The following SLIT3 variants were observed in gnomAD, a reference collection of about 807,000 sequenced individuals.
SLIT3 encodes slit guidance ligand 3.
SLIT3 carries 68 observed loss-of-function variants against 184.0 expected under a neutral mutation model. The ratio of observed to expected loss-of-function variants is 0.37; its 90% CI spans 0.30 to 0.45. SLIT3 has a LOEUF of 0.45. Ranked by LOEUF, SLIT3 falls within the 20% of genes least tolerant of loss-of-function variation. The pLI, the probability that SLIT3 is intolerant of heterozygous loss-of-function variation, is 1.00. For synonymous variants in SLIT3, 831 were observed against 828.6 expected, an observed-to-expected ratio of 1.00 and a Z score of -0.05; for missense variants, 1,707 against 2,026.0, an observed-to-expected ratio of 0.84 and a Z score of 3.02.
At chr5:168,752,868 T>C in intron 18 of SLIT3, 87 bp downstream of exon 18, 1 of 1,330,642 alleles carries the variant, frequency 7.5e-7, no homozygotes, top group Non-Finnish European at 1.1e-6. Flanking sequence ...TAGATGAGCC[T>C]GGCTAGAGGT....
intron 32 of SLIT3, among the ~76,000 whole-genome samples, chr5:168,681,545 C>T (rs1175568472): frequency 6.6e-6 from 1 of 152,218 alleles, no homozygotes; most frequent in Non-Finnish European, 1.5e-5. Flanking sequence ...GCCAGGGCAT[C>T]CTTAGCTTGG....
chr5:168,728,937 A>AAC lies in SLIT3; in HGVS notation c.2271-4454_2271-4453insGT, dbSNP rs150215882. Among the ~76,000 whole-genome samples, 37 of 94,472 alleles carry AAC rather than the reference A, an allele frequency of 3.9e-4. 1 individual carries two copies. In the East Asian group the frequency reaches 6.2e-3, roughly 16 times the overall value. The allele number at this position is 94,472 out of a possible 152,430, so 62.0% of individuals were successfully genotyped here. ...TGTCTCAAAAAAAAACCAAAGAAAC[A>AAC]AAAAAAAAAGCCAACTGAGAAATTC... On this transcript the variant is annotated intron_variant, in intron 20 of 35. Coordinates refer to ENST00000519560, the MANE Select transcript of SLIT3 (RefSeq NM_003062.4).
intron 9 of SLIT3, among the ~76,000 whole-genome samples, chr5:168,802,265 C>T (rs187060367): frequency 1.3e-5 from 2 of 152,042 alleles, no homozygotes; most frequent in African/African-American, 4.8e-5. Context: ...CATCTTCCCA[C>T]CCATCTGCTG....
chr5:168,901,585 C>T (rs1236518438), intron 4 of SLIT3, among the ~76,000 whole-genome samples: 1 of 152,018 alleles, frequency 6.6e-6, no homozygotes. Context: ...TTTTCAGAAC[C>T]CATAATTATC....
At chr5:168,875,358 A>G (rs1467539715) in intron 5 of SLIT3, among the ~76,000 whole-genome samples, 1 of 152,072 alleles carries the variant, frequency 6.6e-6, no homozygotes, top group Non-Finnish European at 1.5e-5. Context: ...GTGGCCGGGC[A>G]TGGTGGCTCA....
chr5:169,068,719 T>G (rs1418185697), intron 4 of SLIT3, among the ~76,000 whole-genome samples: 1 of 152,152 alleles, frequency 6.6e-6, no homozygotes, highest in Non-Finnish European at 1.5e-5. Flanking sequence ...GTGACATCTC[T>G]GGGCTCAAGC....
At chr5:168,721,615 A>G (rs1762943380) in intron 23 of SLIT3, among the ~76,000 whole-genome samples, 3 of 152,220 alleles carry the variant, frequency 2.0e-5, no homozygotes, top group Non-Finnish European at 4.4e-5. Context: ...ATGCAGGGGT[A>G]GGGCCCTGGT....
At chr5:169,227,387 C>T (rs185448723) in intron 3 of SLIT3, among the ~76,000 whole-genome samples, 1 of 152,308 alleles carries the variant, frequency 6.6e-6, no homozygotes, top group East Asian at 1.9e-4. Context: ...CTCTCAACAA[C>T]TCAGCGTAGG....
chr5:168,772,905 C>T lies in SLIT3; in HGVS notation c.1335G>A (p.Leu445=). The change falls in exon 14 of 36, where the codon TTG becomes TTA. Residue 445 remains leucine, a synonymous_variant. Transcript: ENST00000519560. The part of the protein sequence containing the change: ...AQNPFVCDCH[L]KWLADYLQDN... Reference sequence around the variant, plus strand: ...CCTGGAGGTAGTCGGCCAGCCACTTCAAGTGGCAGTCGCACACAAATGGGT... The same window carrying T: ...CCTGGAGGTAGTCGGCCAGCCACTTTAAGTGGCAGTCGCACACAAATGGGT... 1 of 1,612,966 alleles carries T rather than the reference C, an allele frequency of 6.2e-7. No individual in the cohort carries two copies. The highest frequency in any genetic ancestry group is 8.5e-7 in the Non-Finnish European group (1 of 1,179,380).
intron 3 of SLIT3, among the ~76,000 whole-genome samples, chr5:169,205,149 G>A (rs756042258): frequency 6.6e-6 from 1 of 152,154 alleles, no homozygotes; most frequent in Non-Finnish European, 1.5e-5. Flanking sequence ...GGTGACAAAC[G>A]ACAAAGTCTA....
intron 3 of SLIT3, among the ~76,000 whole-genome samples, chr5:169,224,535 C>A (rs1230249842): frequency 1.3e-5 from 2 of 151,784 alleles, no homozygotes; most frequent in Non-Finnish European, 2.9e-5. Flanking sequence ...ACGTGGCTAA[C>A]CTTTTGTATT....
intron 4 of SLIT3, among the ~76,000 whole-genome samples, chr5:168,986,951 G>C (rs1000550017): frequency 2.0e-5 from 3 of 152,246 alleles, no homozygotes; most frequent in African/African-American, 7.2e-5. Context: ...AGGAGGCTGA[G>C]GCAGGAGAAT....
chr5:168,862,189 G>A (rs541830222), intron 5 of SLIT3, among the ~76,000 whole-genome samples: 3 of 152,294 alleles, frequency 2.0e-5, no homozygotes, highest in South Asian at 2.1e-4. Context: ...AGAATGATAC[G>A]TTGGACTTTG....
chr5:168,913,806 C>G (rs1761344011), intron 4 of SLIT3, among the ~76,000 whole-genome samples: 2 of 151,842 alleles, frequency 1.3e-5, no homozygotes, highest in Non-Finnish European at 2.9e-5. Context: ...AAAGTAAAAC[C>G]CATATCTTTC....
intron 3 of SLIT3, among the ~76,000 whole-genome samples, chr5:169,226,146 C>T (rs1764799698): frequency 6.6e-6 from 1 of 152,020 alleles, no homozygotes; most frequent in African/African-American, 2.4e-5. Context: ...ATGTGGAATC[C>T]CCATCCTTAT....
chr5:169,086,067 C>A (rs1251991603), intron 4 of SLIT3, among the ~76,000 whole-genome samples: 2 of 152,200 alleles, frequency 1.3e-5, no homozygotes, highest in Non-Finnish European at 2.9e-5. Flanking sequence ...TCCCCTAAAG[C>A]CAACGGCCTT....
intron 5 of SLIT3, among the ~76,000 whole-genome samples, chr5:168,877,241 G>A (rs903143646): frequency 5.9e-5 from 9 of 152,198 alleles, no homozygotes; most frequent in African/African-American, 1.9e-4. Context: ...GAGAGGGAAG[G>A]CAGTGGGGGA....
chr5:169,035,645 T>TA (rs1296025264), intron 4 of SLIT3, among the ~76,000 whole-genome samples: 16 of 101,676 alleles, frequency 1.6e-4, no homozygotes, highest in African/African-American at 6.5e-4. Flanking sequence ...AGACTGCATC[T>TA]GGAAAAAAAA....
chr5:169,272,929 C>A (rs892369260), intron 1 of SLIT3, among the ~76,000 whole-genome samples: 4 of 152,170 alleles, frequency 2.6e-5, no homozygotes, highest in Admixed American at 2.0e-4. Flanking sequence ...GTCAGTCAAC[C>A]TGCTGGGGTG....
Sources: gnomAD v4.1 joint callset for allele counts (sites outside exome capture counted in the v4.1 genomes callset) on GRCh38, gnomAD v4.1.1 for gene constraint, MANE v1.5 for transcripts, NCBI Gene and HGNC (gene_info 2026-07-23, HGNC 2026-07-21) for gene names.